Variants in FBL observed in about 807,000 individuals in gnomAD.
FBL encodes the protein fibrillarin rRNA 2'-O-methyltransferase, also known as rRNA 2'-O-methyltransferase fibrillarin.
FBL carries 10 observed loss-of-function variants against 42.2 expected under a neutral mutation model. The observed-to-expected ratio is 0.24, with a 90% CI of 0.15 to 0.40. The LOEUF is 0.40. Among genes scored for constraint, FBL ranks in the 10% least tolerant of loss-of-function variants. FBL has a pLI of 1.00. For synonymous variants in FBL, 165 were observed against 165.4 expected, an observed-to-expected ratio of 1.00 and a Z score of 0.02; for missense variants, 351 against 439.2, an observed-to-expected ratio of 0.80 and a Z score of 1.79.
chr19:39,844,143 C>A (rs1363996788), intron 1 of FBL, among the ~76,000 whole-genome samples: 2 of 152,204 alleles, frequency 1.3e-5, no homozygotes, highest in Non-Finnish European at 2.9e-5. Flanking sequence ...ACTTTCCACA[C>A]AGCAACTAAT....
Position 39,840,107 on chromosome 19 carries a change from T to C in FBL, c.378+126A>G. On this transcript the variant is annotated intron_variant, in intron 4 of 8. Transcript: ENST00000221801. This position sits in a 1 kb window ranked among gnomAD's most constrained non-coding sequence, Gnocchi z 4.5. ...AGAAGGCGGATGAGGGAGCAGACAG[T>C]GTGGTTTACATATTATGACAATCCT... 4 of 695,426 alleles carry C rather than the reference T, an allele frequency of 5.8e-6. No individual in the cohort carries two copies. The highest frequency in any genetic ancestry group is 1.7e-5 in the South Asian group (1 of 58,886). 43.1% of individuals were successfully genotyped at this position (695,426 alleles called of 1,614,324 possible).
chr19:39,839,024 TACTC>T lies in FBL; in HGVS notation c.549+7_549+10del. ...TTTACCTCCTGCCTGACTCTCCATC[TACTC>T]ACTCACCGGACCAACGATGTCAGAG... On this transcript the variant is annotated splice_region_variant and intron_variant, in intron 5 of 8. Transcript: ENST00000221801. The T allele has an allele frequency of 6.2e-7, 1 of 1,603,602 alleles. No individual in the cohort carries two copies. Among genetic ancestry groups the T allele is most frequent in the South Asian group, 1.1e-5 (1 of 89,598 alleles).
intron 7 of FBL, among the ~76,000 whole-genome samples, chr19:39,835,734 T>C (rs1478947961): frequency 6.6e-6 from 1 of 151,986 alleles, no homozygotes; most frequent in African/African-American, 2.4e-5. Flanking sequence ...CAGAGCAGCC[T>C]GAGCAACATG....
In FBL at chr19:39,837,601, G is replaced by C. The variant is rs530698224; in HGVS notation, c.682+110C>G. 1.5e-5 allele frequency: 15 copies of C among 969,488 alleles called. No homozygotes were observed. In the South Asian group the frequency reaches 2.5e-4, roughly 16 times the overall value. The allele number at this position is 969,488 out of a possible 1,614,324, so 60.1% of individuals were successfully genotyped here. On this transcript the variant is annotated intron_variant, in intron 6 of 8. Transcript: ENST00000221801. The stretch of plus-strand genomic sequence containing the variant: ...CCCCTTTCTATTCCTGCAGACTCAA[G>C]AGGTCTGCTCATCCACTCCAACTCC...
chr19:39,835,916 ACT>A (rs1297920619), intron 7 of FBL, among the ~76,000 whole-genome samples: 3 of 151,454 alleles, frequency 2.0e-5, no homozygotes, highest in East Asian at 1.9e-4. Context: ...ACAGAGCGAG[ACT>A]CTGTCTCAAA....
Position 39,834,778 on chromosome 19 carries a change from G to A in FBL, c.831C>T (p.Ala277=), listed in dbSNP as rs1038738749. 4 of 1,614,136 alleles carry A rather than the reference G, an allele frequency of 2.5e-6. No individual in the cohort carries two copies. The highest frequency in any genetic ancestry group is 1.3e-5 in the African/African-American group (1 of 75,046). ...TCTTTTTCACTTCGGAGGCAAACAC[G>A]GCCTCGGCTGAGGCTGTGGAGTCAA... The part of the protein sequence containing the change: ...NCIDSTASAE[A]VFASEVKKMQ... The change falls in exon 8 of 9, where the codon GCC becomes GCT. Residue 277 remains alanine (A), a synonymous_variant. Coordinates refer to ENST00000221801, the MANE Select transcript of FBL (RefSeq NM_001436.4).
At chr19:39,844,633 T>C (rs544239616) in intron 1 of FBL, among the ~76,000 whole-genome samples, 7 of 152,178 alleles carry the variant, frequency 4.6e-5, no homozygotes, top group Non-Finnish European at 1.0e-4. Context: ...GTTGGTTCTG[T>C]CTTCAAAAGC....
At chr19:39,842,514 G>C (rs891110718) in intron 1 of FBL, among the ~76,000 whole-genome samples, 3 of 151,986 alleles carry the variant, frequency 2.0e-5, no homozygotes, top group Non-Finnish European at 2.9e-5. Context: ...AAAATGAACG[G>C]TTTCATTTTC....
At chr19:39,842,974 A>C (rs545534560) in intron 1 of FBL, among the ~76,000 whole-genome samples, 1 of 152,318 alleles carries the variant, frequency 6.6e-6, no homozygotes. Context: ...TGGCTCCTGC[A>C]GACATGTGCA....
chr19:39,837,915 C>T (rs946823880), intron 5 of FBL, 72 bp from the exon 6 acceptor site: 28 of 1,274,688 alleles, frequency 2.2e-5, no homozygotes, highest in African/African-American at 9.1e-5. Context: ...TAGGCCCATA[C>T]ACTATACACA....
intron 1 of FBL, among the ~76,000 whole-genome samples, chr19:39,845,781 A>G (rs915624930): frequency 2.6e-5 from 4 of 152,184 alleles, no homozygotes; most frequent in Non-Finnish European, 4.4e-5. Context: ...GGGAGTCCTC[A>G]TCCACTCCGG....
chr19:39,834,644 G>T (rs771787554), intron 8 of FBL, 24 bp downstream of exon 8: 1 of 1,614,088 alleles, frequency 6.2e-7, no homozygotes, highest in Non-Finnish European at 8.5e-7. Context: ...GTCTGTCTTG[G>T]TGTATTGCTG....
rs562118350 is a variant in FBL at position 39,840,736 on chromosome 19, C to G, written c.62G>C (p.Arg21Pro). The change falls in exon 2 of 9, where the codon CGT (arginine) becomes CCT (proline). Residue 21 changes from arginine (R) to proline (P), a missense_variant. By Grantham distance (103) the Arg-to-Pro change is moderately radical. Coordinates refer to ENST00000221801, the MANE Select transcript of FBL (RefSeq NM_001436.4). The surrounding 1 kb of genome is among the most constrained non-coding windows in gnomAD (Gnocchi z 4.5). ...GCCCCCTCGGCCTCCACGACCACCA[C>G]GGTCACCAAAGCCCCCTCGGCCGCC... ...GFGGRGGFGD[R>P]GGRGGRGGFG... is the part of the protein sequence containing the mutation. 6 of 1,576,210 alleles carry G rather than the reference C, an allele frequency of 3.8e-6. No individual in the cohort carries two copies. Among genetic ancestry groups the G allele is most frequent in the South Asian group, 2.3e-5 (2 of 86,866 alleles).
At chr19:39,842,564 T>C (rs1374903076) in intron 1 of FBL, among the ~76,000 whole-genome samples, 1 of 152,184 alleles carries the variant, frequency 6.6e-6, no homozygotes, top group African/African-American at 2.4e-5. Flanking sequence ...CTTTTAATCT[T>C]CTACTCCCTC....
At chr19:39,843,587 T>C (rs1269049034) in intron 1 of FBL, among the ~76,000 whole-genome samples, 2 of 152,120 alleles carry the variant, frequency 1.3e-5, no homozygotes, top group East Asian at 1.9e-4. Context: ...CTGGCCAACA[T>C]AGTGAAACCC....
rs781452135 is a variant in FBL, at chr19:39,834,694, G to A, written c.915C>T (p.Asp305=). Residue 305 remains aspartate (D), a synonymous_variant, in exon 8 of 9, where the codon GAC becomes GAT. Coordinates refer to ENST00000221801, the MANE Select transcript of FBL (RefSeq NM_001436.4). The part of the protein sequence containing the change: ...EQLTLEPYER[D]HAVVVGVYRP... Reference sequence around the variant, plus strand: ...TGTACACTCCCACGACCACGGCATGGTCTCTTTCATATGGCTCAAGGGTCA... The same window carrying A: ...TGTACACTCCCACGACCACGGCATGATCTCTTTCATATGGCTCAAGGGTCA... 7 of 1,614,138 alleles carry A rather than the reference G, an allele frequency of 4.3e-6. No individual in the cohort carries two copies. The South Asian group carries it at 6.6e-5, about 15-fold the overall frequency.
intron 1 of FBL, among the ~76,000 whole-genome samples, chr19:39,846,055 C>T (rs866108803): frequency 4.6e-5 from 7 of 152,226 alleles, no homozygotes; most frequent in Non-Finnish European, 1.0e-4. Flanking sequence ...ACGAACCCCA[C>T]GTCAACACCC....
intron 7 of FBL, among the ~76,000 whole-genome samples, chr19:39,835,907 CAG>C (rs1969036577): frequency 1.3e-5 from 2 of 151,446 alleles, no homozygotes; most frequent in African/African-American, 4.9e-5. Context: ...GCCTTGGTGA[CAG>C]AGCGAGACTC....
At chr19:39,843,546 G>C (rs1278801513) in intron 1 of FBL, among the ~76,000 whole-genome samples, 1 of 152,188 alleles carries the variant, frequency 6.6e-6, no homozygotes, top group African/African-American at 2.4e-5. Context: ...CAGGCAGGCG[G>C]ACAGTTTGAG....
Sources: gnomAD v4.1 joint callset for allele counts (sites outside exome capture counted in the v4.1 genomes callset) on GRCh38, gnomAD v4.1.1 for gene constraint, Gnocchi (gnomAD v3.1) non-coding constraint, MANE v1.5 for transcripts, NCBI Gene and HGNC (gene_info 2026-07-23, HGNC 2026-07-21) for gene names.